The following OPHN1 variants were observed in gnomAD, a reference collection of about 807,000 sequenced individuals.
OPHN1 encodes oligophrenin 1.
OPHN1 carries 11 observed loss-of-function variants against 60.7 expected under a neutral mutation model. The ratio of observed to expected loss-of-function variants is 0.18; its 90% CI spans 0.11 to 0.30. The LOEUF (loss-of-function observed/expected upper bound fraction) is 0.30. Among genes scored for constraint, OPHN1 ranks in the 10% least tolerant of loss-of-function variants. OPHN1 has a pLI of 1.00. For missense variants in OPHN1, 449 were observed against 611.0 expected, an observed-to-expected ratio of 0.73 and a Z score of 2.80; for synonymous variants, 226 against 222.6, an observed-to-expected ratio of 1.02 and a Z score of -0.14.
At chrX:68,319,213 T>G (rs764581138) in intron 2 of OPHN1, among the ~76,000 whole-genome samples, 5 of 112,091 alleles carry the variant, frequency 4.5e-5, no homozygotes, top group Non-Finnish European at 7.5e-5. Context: ...AGCAATTGAA[T>G]GGAGGAAATA....
intron 6 of OPHN1, among the ~76,000 whole-genome samples, chrX:68,230,036 G>A (rs1234350834): frequency 4.5e-5 from 5 of 112,039 alleles, no homozygotes; most frequent in African/African-American, 1.6e-4. Context: ...CGAATATCCA[G>A]AATCTACAAA....
intron 15 of OPHN1, among the ~76,000 whole-genome samples, chrX:68,122,436 CA>C (rs1196969815): frequency 1.8e-5 from 2 of 111,487 alleles, no homozygotes; most frequent in African/African-American, 6.5e-5. Context: ...TGCCCAGAAA[CA>C]GATGAACATT....
At chrX:68,429,866 C>T (rs1372856038) in intron 2 of OPHN1, among the ~76,000 whole-genome samples, 1 of 111,138 alleles carries the variant, frequency 9.0e-6, no homozygotes, top group East Asian at 2.9e-4. Flanking sequence ...TGAAACCCAT[C>T]TCTACTAAAA....
intron 2 of OPHN1, among the ~76,000 whole-genome samples, chrX:68,346,275 G>C (rs1283793191): frequency 2.7e-5 from 3 of 111,961 alleles, no homozygotes; most frequent in African/African-American, 9.7e-5. Context: ...GGAGTCCTCT[G>C]AGCACTGAAT....
chrX:68,126,513 C>T (rs1422289003), intron 15 of OPHN1, among the ~76,000 whole-genome samples: 3 of 110,595 alleles, frequency 2.7e-5, no homozygotes, highest in Admixed American at 9.6e-5. Context: ...GGCGCAATCT[C>T]GGCTCACTGC....
At chrX:68,145,769 T>C (rs190724359) in intron 15 of OPHN1, among the ~76,000 whole-genome samples, 43 of 112,226 alleles carry the variant, frequency 3.8e-4, no homozygotes, top group African/African-American at 1.3e-3. Context: ...GGTAATAAAA[T>C]GTTTGAATCC....
At chrX:68,050,996 G>A (rs1456425454) in intron 23 of OPHN1, among the ~76,000 whole-genome samples, 1 of 111,856 alleles carries the variant, frequency 8.9e-6, no homozygotes, top group Non-Finnish European at 1.9e-5. Flanking sequence ...AGAATGAATG[G>A]TAAATTATTG....
chrX:68,353,794 T>C (rs1257778330), intron 2 of OPHN1, among the ~76,000 whole-genome samples: 1 of 111,695 alleles, frequency 9.0e-6, no homozygotes, highest in African/African-American at 3.3e-5. Flanking sequence ...TCAGCAACCA[T>C]GACTGTTTTA....
intron 2 of OPHN1, among the ~76,000 whole-genome samples, chrX:68,371,332 C>T (rs2147730560): frequency 9.1e-6 from 1 of 109,703 alleles, no homozygotes; most frequent in African/African-American, 3.3e-5. Context: ...ATCCTCCCAC[C>T]TCAGCCTCCT....
chrX:68,234,708 AGG>A lies in OPHN1; in HGVS notation c.385-122_385-121del. 7 of 549,050 alleles carry A rather than the reference AGG, an allele frequency of 1.3e-5. No individual in the cohort carries two copies. In the Admixed American group the frequency reaches 1.7e-4, roughly 14 times the overall value. The allele number at this position is 549,050 out of a possible 1,213,427, so 45.2% of individuals were successfully genotyped here. ...GTGGTCAATCCCTCTAGCTCCTGGA[AGG>A]AAAAAAAAGCAACGGAGAATTAACT... is the stretch of plus-strand genomic sequence containing the variant. On this transcript the variant is annotated intron_variant, in intron 5 of 24. Coordinates refer to ENST00000355520, the MANE Select transcript of OPHN1 (RefSeq NM_002547.3).
intron 15 of OPHN1, among the ~76,000 whole-genome samples, chrX:68,174,123 G>A (rs937546410): frequency 7.2e-5 from 8 of 111,769 alleles, no homozygotes. Flanking sequence ...ACATTTCACT[G>A]TGTATTAATT....
chrX:68,334,576 T>C (rs753169792), intron 2 of OPHN1, among the ~76,000 whole-genome samples: 1 of 112,608 alleles, frequency 8.9e-6, no homozygotes, highest in South Asian at 3.6e-4. Context: ...TGGATTGATG[T>C]TGAATTTCAA....
chrX:68,060,778 G>C (rs984221655), intron 21 of OPHN1, among the ~76,000 whole-genome samples: 2 of 111,565 alleles, frequency 1.8e-5, no homozygotes, highest in African/African-American at 6.5e-5. Flanking sequence ...AGCTGAAATG[G>C]GGTGACAACT....
At chrX:68,121,859 T>C (rs2077151990) in intron 15 of OPHN1, among the ~76,000 whole-genome samples, 1 of 107,994 alleles carries the variant, frequency 9.3e-6, no homozygotes, top group African/African-American at 3.4e-5. Flanking sequence ...AGAGCACTCA[T>C]CAGAGTCCTA....
intron 2 of OPHN1, among the ~76,000 whole-genome samples, chrX:68,387,431 A>G (rs184818268): frequency 9.0e-6 from 1 of 111,698 alleles, no homozygotes; most frequent in Non-Finnish European, 1.9e-5. Flanking sequence ...CAATGCACAG[A>G]GCCAGAAGTA....
intron 15 of OPHN1, among the ~76,000 whole-genome samples, chrX:68,182,827 G>T (rs1034678244): frequency 4.5e-5 from 5 of 111,681 alleles, no homozygotes; most frequent in African/African-American, 1.6e-4. Flanking sequence ...CACAAGGATC[G>T]CTTGAACCCG....
chrX:68,057,252 T>C (rs898071953), intron 21 of OPHN1, among the ~76,000 whole-genome samples: 14 of 111,742 alleles, frequency 1.3e-4, no homozygotes, highest in African/African-American at 4.2e-4. Flanking sequence ...GTCCTAGTTT[T>C]ATTGATTAGG....
At chrX:68,218,595 A>G (rs1223504049) in intron 6 of OPHN1, among the ~76,000 whole-genome samples, 1 of 110,505 alleles carries the variant, frequency 9.0e-6, no homozygotes, top group African/African-American at 3.3e-5. Flanking sequence ...CAGAAACCCT[A>G]CAAGCCAGAA....
intron 15 of OPHN1, among the ~76,000 whole-genome samples, chrX:68,162,842 C>T (rs777618766): frequency 9.0e-6 from 1 of 110,744 alleles, no homozygotes; most frequent in African/African-American, 3.3e-5. Context: ...ACAAGCTGAT[C>T]ACATAATAAA....
Sources: allele counts gnomAD v4.1 joint callset (sites outside exome capture counted in the v4.1 genomes callset), GRCh38; gene constraint gnomAD v4.1.1; transcripts MANE v1.5; gene names NCBI Gene and HGNC (gene_info 2026-07-23, HGNC 2026-07-21).